Variants in VPS13A observed in about 807,000 individuals in gnomAD.
The protein encoded by VPS13A is vacuolar protein sorting 13 homolog A, also known as intermembrane lipid transfer protein VPS13A.
In VPS13A, 264 loss-of-function variants were observed where a neutral mutation model predicts 390.9. The ratio of observed to expected loss-of-function variants is 0.68; its 90% CI spans 0.61 to 0.75. VPS13A has a LOEUF of 0.75. Among genes scored for constraint, VPS13A ranks in the 30% least tolerant of loss-of-function variants. VPS13A has a pLI of 0.00. For synonymous variants in VPS13A, 1,231 were observed against 1,227.1 expected, an observed-to-expected ratio of 1.00 and a Z score of -0.07; for missense variants, 3,409 against 3,733.9, an observed-to-expected ratio of 0.91 and a Z score of 2.27.
chr9:77,187,610 C>T (rs1273556658), intron 1 of VPS13A, among the ~76,000 whole-genome samples: 3 of 60,572 alleles, frequency 5.0e-5, no homozygotes, highest in African/African-American at 2.3e-4. Context: ...TACAAACATA[C>T]ACACACACAC....
intron 32 of VPS13A, 144 bp from the exon 33 acceptor site, chr9:77,295,398 G>A (rs1184958524): frequency 4.7e-6 from 3 of 633,154 alleles, no homozygotes; most frequent in Non-Finnish European, 7.2e-6. Flanking sequence ...ATTTAATATA[G>A]ACAGTAAGAT....
chr9:77,283,445 G>A lies in VPS13A; in HGVS notation c.3209G>A (p.Cys1070Tyr). ...CLQIFIQDQK[C>Y]NISEIKIEGL... ...CAGATCTTTATTCAAGATCAGAAAT[G>A]TAACATTTCTGAAATTAAGATTGAA... Residue 1070 changes from cysteine (C) to tyrosine (Y), a missense_variant, in exon 30 of 72, where the codon TGT (cysteine) becomes TAT (tyrosine). Cys to Tyr is a radical substitution (Grantham distance 194, BLOSUM62 -2). Coordinates refer to ENST00000360280, the MANE Select transcript of VPS13A (RefSeq NM_033305.3). The A allele has an allele frequency of 1.2e-6, 2 of 1,605,782 alleles. No homozygotes were observed. The highest frequency in any genetic ancestry group is 8.5e-7 in the Non-Finnish European group (1 of 1,173,038).
intron 1 of VPS13A, among the ~76,000 whole-genome samples, chr9:77,194,583 CTT>C (rs1009952526): frequency 2.0e-5 from 3 of 152,142 alleles, no homozygotes; most frequent in African/African-American, 7.2e-5. Context: ...AAGCAGCTGT[CTT>C]TGCAACCTCA....
At chr9:77,211,660 T>G (rs1825980296) in intron 7 of VPS13A, 1 of 152,162 alleles carries the variant, frequency 6.6e-6, no homozygotes, top group Non-Finnish European at 1.5e-5. Flanking sequence ...ATACTCTCAT[T>G]AAGTTGAAAA....
intron 6 of VPS13A, 110 bp from the exon 7 acceptor site, chr9:77,210,506 A>G: frequency 9.6e-7 from 1 of 1,042,422 alleles, no homozygotes; most frequent in Non-Finnish European, 1.5e-6. Flanking sequence ...GGCCTTCCAG[A>G]GTGCTGGGAT....
At chr9:77,340,329 C>A in intron 49 of VPS13A, 47 bp downstream of exon 49, 3 of 1,597,990 alleles carry the variant, frequency 1.9e-6, no homozygotes, top group Non-Finnish European at 2.6e-6. Flanking sequence ...TTAAATGTTT[C>A]TATTAACTAC....
intron 45 of VPS13A, among the ~76,000 whole-genome samples, chr9:77,329,322 G>C (rs1462800885): frequency 6.6e-6 from 1 of 152,176 alleles, no homozygotes; most frequent in Non-Finnish European, 1.5e-5. Flanking sequence ...TTGGCTGTTT[G>C]ATGCAAGAGG....
At chr9:77,399,869 T>C (rs965795934) in intron 68 of VPS13A, among the ~76,000 whole-genome samples, 1 of 152,198 alleles carries the variant, frequency 6.6e-6, no homozygotes, top group African/African-American at 2.4e-5. Context: ...CGTACAAATA[T>C]ATGTACATGT....
chr9:77,213,594 T>C (rs1826094463), intron 9 of VPS13A, among the ~76,000 whole-genome samples: 1 of 151,680 alleles, frequency 6.6e-6, no homozygotes, highest in African/African-American at 2.4e-5. Context: ...ACTCTTGGGC[T>C]CAAGCAATCA....
At position 77,418,710 on chromosome 9, in the gene VPS13A, C is replaced by G. The variant is rs1401988352; in HGVS notation, c.*2704C>G. On this transcript the variant is annotated 3_prime_UTR_variant, in exon 72 of 72. Coordinates refer to ENST00000360280, the MANE Select transcript of VPS13A (RefSeq NM_033305.3). The stretch of plus-strand genomic sequence containing the variant: ...CCATTTGGAGGCAACTATCCTGTGG[C>G]CTCCAAGTGAATAAATCTTTCTTAC... 3 of 152,074 alleles carry G rather than the reference C, an allele frequency of 2.0e-5. No individual in the cohort carries two copies. The highest frequency in any genetic ancestry group is 7.3e-5 in the African/African-American group (3 of 41,340). The allele number at this position is 152,074 out of a possible 1,614,324, so 9.4% of individuals were successfully genotyped here. A position where few individuals can be genotyped will look rare whatever the true frequency, so the allele number is the denominator to read the frequency against.
At chr9:77,350,111 G>A (rs969444416) in intron 52 of VPS13A, among the ~76,000 whole-genome samples, 1 of 151,912 alleles carries the variant, frequency 6.6e-6, no homozygotes, top group South Asian at 2.1e-4. Flanking sequence ...TGAAGGTTTC[G>A]ATACATTTAA....
At chr9:77,283,765 G>C (rs1434735132) in intron 31 of VPS13A, 115 bp downstream of exon 31, 1 of 863,898 alleles carries the variant, frequency 1.2e-6, no homozygotes. Context: ...CTTATTATGT[G>C]CATGGGTTTT....
Position 77,237,998 on chromosome 9 carries a change from G to A in VPS13A, c.1596-4G>A. The A allele has an allele frequency of 6.4e-7, 1 of 1,572,772 alleles. No individual in the cohort carries two copies. Among genetic ancestry groups the A allele is most frequent in the South Asian group, 1.2e-5 (1 of 86,362 alleles). The stretch of plus-strand genomic sequence containing the variant: ...CTGACTTTTTTCTTTTTTTTTTAAT[G>A]CAGATTTGAAACTAAAATAGATTCA... On this transcript the variant is annotated splice_polypyrimidine_tract_variant and splice_region_variant and intron_variant, in intron 17 of 71. Transcript: ENST00000360280.
intron 22 of VPS13A, among the ~76,000 whole-genome samples, chr9:77,256,984 T>C (rs11145359): frequency 0.1 from 15,579 of 152,190 alleles, 828 homozygotes; most frequent in Middle Eastern, 0.13. Flanking sequence ...AAAATATATT[T>C]ACATTTAAAG....
At chr9:77,222,847 C>T (rs572674037) in intron 13 of VPS13A, among the ~76,000 whole-genome samples, 51 of 152,228 alleles carry the variant, frequency 3.4e-4, no homozygotes, top group East Asian at 7.7e-4. Flanking sequence ...TTTCTTTGTA[C>T]GCCATAAACT....
At chr9:77,232,146 C>T (rs1019450285) in intron 17 of VPS13A, among the ~76,000 whole-genome samples, 4 of 152,100 alleles carry the variant, frequency 2.6e-5, no homozygotes, top group African/African-American at 7.2e-5. Context: ...ATACCAATAT[C>T]GTACTGTTTT....
At chr9:77,229,385 T>C (rs1390244140) in intron 17 of VPS13A, among the ~76,000 whole-genome samples, 1 of 152,152 alleles carries the variant, frequency 6.6e-6, no homozygotes, top group African/African-American at 2.4e-5. Flanking sequence ...TTCGAGAATA[T>C]GTTAACAACT....
chr9:77,370,806 CTG>C (rs1832707896), intron 65 of VPS13A, 82 bp from the exon 66 acceptor site: 5 of 1,560,324 alleles, frequency 3.2e-6, no homozygotes, highest in East Asian at 2.2e-5. Flanking sequence ...AAGCAGAACT[CTG>C]TATTTTTTGT....
rs765821271 is a variant in VPS13A at position 77,370,313 on chromosome 9, A to C, written c.8724A>C (p.Ala2908=). The change falls in exon 64 of 72, where the codon GCA becomes GCC. Residue 2908 remains alanine, a synonymous_variant. Transcript: ENST00000360280. ...AAGGAATGGCACTAGGACTTAAGGC[A>C]CTAGTTGGTGGAGCTGTTGGTAAGA... The part of the protein sequence containing the change: ...FVEGMALGLK[A]LVGGAVGGLA... 4 of 1,614,190 alleles carry C rather than the reference A, an allele frequency of 2.5e-6. No individual in the cohort carries two copies. The Admixed American group carries it at 6.7e-5, about 27-fold the overall frequency.
Sources: gnomAD v4.1 joint callset for allele counts (sites outside exome capture counted in the v4.1 genomes callset) on GRCh38, gnomAD v4.1.1 for gene constraint, MANE v1.5 for transcripts, NCBI Gene and HGNC (gene_info 2026-07-23, HGNC 2026-07-21) for gene names.